The following ZFYVE26 variants were observed in gnomAD, a reference collection of about 807,000 sequenced individuals.
ZFYVE26 encodes the protein zinc finger FYVE domain-containing protein 26.
A neutral mutation model predicts 276.5 loss-of-function variants in ZFYVE26; 181 were observed. That is an observed-to-expected ratio of 0.65 (90% confidence interval 0.58 to 0.74). The LOEUF (loss-of-function observed/expected upper bound fraction) is 0.74, where lower values mean the gene tolerates loss of function less well. Among genes scored for constraint, ZFYVE26 ranks in the 30% least tolerant of loss-of-function variants. The pLI, the probability that ZFYVE26 is intolerant of heterozygous loss-of-function variation, is 0.00. For synonymous variants in ZFYVE26, 1,129 were observed against 1,203.1 expected, an observed-to-expected ratio of 0.94 and a Z score of 1.27; for missense variants, 2,821 against 3,097.9, an observed-to-expected ratio of 0.91 and a Z score of 2.12.
At position 67,804,240 on chromosome 14, in the gene ZFYVE26, C is replaced by T. The variant is rs772350764; in HGVS notation, c.1296G>A (p.Leu432=). 6.2e-7 allele frequency: 1 copy of T among 1,614,196 alleles called. No homozygotes were observed. The highest frequency in any genetic ancestry group is 1.7e-5 in the Admixed American group (1 of 60,018). Reference sequence around the variant, plus strand: ...TGTCTCCACCGTGTAAATGATACAACAGATCTCTCTTTGGTATGGGGTTGC... The same window carrying T: ...TGTCTCCACCGTGTAAATGATACAATAGATCTCTCTTTGGTATGGGGTTGC... ...QSSNPIPKRD[L]LYHLHGGDSH... Residue 432 remains leucine (L), a synonymous_variant, in exon 9 of 42, where the codon CTG becomes CTA. Transcript: ENST00000347230.
At position 67,798,542 on chromosome 14, in the gene ZFYVE26, G is replaced by A. The variant is rs1381271651; in HGVS notation, c.1720C>T (p.Leu574Phe). 2 of 1,614,170 alleles carry A rather than the reference G, an allele frequency of 1.2e-6. No homozygotes were observed. Among genetic ancestry groups the A allele is most frequent in the Admixed American group, 1.7e-5 (1 of 60,026 alleles). The change falls in exon 11 of 42, where the codon CTT becomes TTT. Residue 574 changes from leucine (L) to phenylalanine (F), a missense_variant. By Grantham distance (22) the Leu-to-Phe change is conservative. Coordinates refer to ENST00000347230, the MANE Select transcript of ZFYVE26 (RefSeq NM_015346.4). ...CSIPDSLCLE[L>F]LENIFSLLLI... ...AGCAATGAGAAGATGTTTTCCAGAA[G>A]CTCCAGGCACAGAGAGTCAGGAATA... is the stretch of plus-strand genomic sequence containing the variant.
intron 8 of ZFYVE26, 90 bp downstream of exon 8, chr14:67,805,127 T>G: frequency 1.6e-6 from 2 of 1,277,988 alleles, no homozygotes; most frequent in South Asian, 2.5e-5. Flanking sequence ...AAAACATTTA[T>G]GTGGAAAACG....
chr14:67,746,390 A>G (rs1162350901), downstream of ZFYVE26: 3 of 152,178 alleles, frequency 2.0e-5, no homozygotes, highest in Admixed American at 2.0e-4. Context: ...GTCATTAGTC[A>G]TTATGGGGAT....
intron 34 of ZFYVE26, 131 bp downstream of exon 34, chr14:67,762,072 A>AT (rs2038945882): frequency 7.4e-6 from 8 of 1,082,134 alleles, no homozygotes; most frequent in South Asian, 5.4e-5. Flanking sequence ...GGAAAAAAAA[A>AT]ATTTTTAACC....
rs2039644795 is a variant in ZFYVE26 at position 67,785,988 on chromosome 14, C to T, written c.3174G>A (p.Arg1058=). The part of the protein sequence containing the change: ...SVEEKGGGPP[R]CSITELLQMC... ...TCTGAAGCAGTTCAGTGATGCTGCACCGTGGAGGGCCTCCTCCCTTTTCTT... is the reference window on the plus strand; with the variant it reads ...TCTGAAGCAGTTCAGTGATGCTGCATCGTGGAGGGCCTCCTCCCTTTTCTT... The change falls in exon 18 of 42, where the codon CGG becomes CGA. Residue 1058 remains arginine, a synonymous_variant. Coordinates refer to ENST00000347230, the MANE Select transcript of ZFYVE26 (RefSeq NM_015346.4). The T allele has an allele frequency of 6.2e-7, 1 of 1,614,172 alleles. No individual in the cohort carries two copies. The highest frequency in any genetic ancestry group is 1.1e-5 in the South Asian group (1 of 91,082).
At chr14:67,743,044 G>T (rs2038435277), downstream of ZFYVE26, among the ~76,000 whole-genome samples, 1 of 150,900 alleles carries the variant, frequency 6.6e-6, no homozygotes. Context: ...CATTATGTTG[G>T]CCAGGCTGGT....
chr14:67,758,000 C>A (rs1381676809), intron 35 of ZFYVE26, among the ~76,000 whole-genome samples: 2 of 152,206 alleles, frequency 1.3e-5, no homozygotes, highest in Non-Finnish European at 2.9e-5. Flanking sequence ...CAGAAACGAG[C>A]CACCCTGCCC....
chr14:67,803,993 C>G, intron 9 of ZFYVE26, 108 bp downstream of exon 9: 3 of 1,481,098 alleles, frequency 2.0e-6, no homozygotes, highest in Non-Finnish European at 2.8e-6. Context: ...TCCTCACCAC[C>G]CTCTTGAAAG....
chr14:67,814,075 T>G lies in ZFYVE26; in HGVS notation c.195-11A>C. On this transcript the variant is annotated splice_polypyrimidine_tract_variant and intron_variant, in intron 2 of 41. Coordinates refer to ENST00000347230, the MANE Select transcript of ZFYVE26 (RefSeq NM_015346.4). The stretch of plus-strand genomic sequence containing the variant: ...ATGTCCTGCCCACATCTGAAAAAGG[T>G]AAAAAGAAAGACTTGTAAAAAAGAG... 1.2e-6 allele frequency: 2 copies of G among 1,609,586 alleles called. No homozygotes were observed. Among genetic ancestry groups the G allele is most frequent in the Non-Finnish European group, 1.7e-6 (2 of 1,176,234 alleles).
At chr14:67,802,524 C>T (rs547000213) in intron 9 of ZFYVE26, among the ~76,000 whole-genome samples, 3 of 152,302 alleles carry the variant, frequency 2.0e-5, no homozygotes, top group Admixed American at 6.5e-5. Flanking sequence ...ATGACTTCTA[C>T]ATGGCATTAT....
downstream of ZFYVE26, among the ~76,000 whole-genome samples, chr14:67,743,717 G>C (rs186970332): frequency 2.8e-3 from 420 of 152,192 alleles, 2 homozygotes; most frequent in African/African-American, 9.6e-3. Context: ...AAGAGTTAAG[G>C]GGGGCAGTCA....
chr14:67,756,673 T>C (rs1332645015), intron 35 of ZFYVE26, among the ~76,000 whole-genome samples: 1 of 152,196 alleles, frequency 6.6e-6, no homozygotes, highest in African/African-American at 2.4e-5. Flanking sequence ...TCAATTTTCT[T>C]AGCTGATCCC....
intron 23 of ZFYVE26, 165 bp from the exon 24 acceptor site, chr14:67,778,413 GCA>G: frequency 1.2e-6 from 1 of 821,528 alleles, no homozygotes. Context: ...TTTCCTCTTA[GCA>G]CTACCATAAA....
At chr14:67,799,399 G>A (rs764621518) in intron 10 of ZFYVE26, 132 of 1,612,628 alleles carry the variant, frequency 8.2e-5, no homozygotes, top group Non-Finnish European at 1.1e-4. Flanking sequence ...CAAGGAAAAG[G>A]AGGGCTCAGG....
At chr14:67,772,925 ACT>A (rs2039251313) in intron 27 of ZFYVE26, among the ~76,000 whole-genome samples, 3 of 151,970 alleles carry the variant, frequency 2.0e-5, no homozygotes, top group Non-Finnish European at 2.9e-5. Flanking sequence ...ATACTACTGC[ACT>A]CTGGCCTGGA....
Position 67,775,055 on chromosome 14 carries a change from T to C in ZFYVE26, c.5281A>G (p.Arg1761Gly). 6.2e-7 allele frequency: 1 copy of C among 1,613,072 alleles called. No individual in the cohort carries two copies. The highest frequency in any genetic ancestry group is 8.5e-7 in the Non-Finnish European group (1 of 1,179,700). The change falls in exon 27 of 42, where the codon AGA (arginine) becomes GGA (glycine). Residue 1761 changes from arginine (R) to glycine (G), a missense_variant. Transcript: ENST00000347230. The stretch of plus-strand genomic sequence containing the variant: ...GGAGAGAACTCTGCTGATGGTGATC[T>C]AGGGAGGGTCTCGGGATCTGCAGCC... ...HQAADPETLP[R>G]SPSAEFSPAA...
Position 67,778,726 on chromosome 14 carries a change from C to T in ZFYVE26, c.4675-478G>A, listed in dbSNP as rs73278457. ...TACCCATGTTCCCCCTCACTACCCC[C>T]CAACCCCAATTTGTGAACTGTAGAT... On this transcript the variant is annotated intron_variant, in intron 23 of 41. Coordinates refer to ENST00000347230, the MANE Select transcript of ZFYVE26 (RefSeq NM_015346.4). Among the ~76,000 whole-genome samples, 1,291 of 151,814 alleles carry T rather than the reference C, an allele frequency of 8.5e-3. 16 individuals are homozygous for T. Among genetic ancestry groups the T allele is most frequent in the African/African-American group, 0.03 (1,250 of 41,330 alleles).
At chr14:67,759,103 G>C (rs2140189666) in intron 35 of ZFYVE26, among the ~76,000 whole-genome samples, 1 of 151,906 alleles carries the variant, frequency 6.6e-6, no homozygotes, top group Middle Eastern at 3.4e-3. Context: ...AAATTAGCCA[G>C]GTATGGTGGC....
chr14:67,794,705 G>A (rs2039909282), intron 12 of ZFYVE26, among the ~76,000 whole-genome samples: 1 of 152,210 alleles, frequency 6.6e-6, no homozygotes, highest in Non-Finnish European at 1.5e-5. Flanking sequence ...AGCACGTTGG[G>A]AGGCCGTTGT....
Sources: gnomAD v4.1 joint callset for allele counts (sites outside exome capture counted in the v4.1 genomes callset) on GRCh38, gnomAD v4.1.1 for gene constraint, MANE v1.5 for transcripts, NCBI Gene and HGNC (gene_info 2026-07-23, HGNC 2026-07-21) for gene names.